PCSK5: variants seen among roughly 807,000 people sequenced by gnomAD.
PCSK5 encodes prohormone convertase 5.
In PCSK5, 129 loss-of-function variants were observed where a neutral mutation model predicts 233.2. That is an observed-to-expected ratio of 0.55 (90% CI 0.48 to 0.64). The LOEUF (loss-of-function observed/expected upper bound fraction) is 0.64. Among genes scored for constraint, PCSK5 ranks in the 30% least tolerant of loss-of-function variants. PCSK5 has a pLI of 0.00. For missense variants in PCSK5, 2,076 were observed against 2,430.1 expected (o/e 0.85, Z 3.06); for synonymous variants, 825 against 879.2 (o/e 0.94, Z 1.09).
intron 8 of PCSK5, among the ~76,000 whole-genome samples, chr9:76,099,586 T>A (rs1436252606): frequency 2.0e-5 from 3 of 152,208 alleles, no homozygotes; most frequent in Non-Finnish European, 4.4e-5. Context: ...CGGGAACATG[T>A]TAACAGTTTG....
chr9:76,040,343 C>G (rs1829047086), intron 5 of PCSK5, among the ~76,000 whole-genome samples: 1 of 44,500 alleles, frequency 2.2e-5, no homozygotes, highest in Non-Finnish European at 4.1e-5. Context: ...CTCTCTCTCT[C>G]TCTCTCTCTC....
intron 1 of PCSK5, among the ~76,000 whole-genome samples, chr9:75,908,456 C>T (rs975436679): frequency 1.3e-5 from 2 of 152,162 alleles, no homozygotes; most frequent in African/African-American, 4.8e-5. Flanking sequence ...GATTATTGTG[C>T]AAGTCTTACC....
rs139236458 is a variant in PCSK5, at chr9:76,091,009, A to T, written c.895-4881A>T. 9.1e-3 allele frequency among the ~76,000 whole-genome samples: 1,381 copies of T among 152,180 alleles called. 14 individuals carry two copies. The highest frequency in any genetic ancestry group is 0.031 in the African/African-American group (1,300 of 41,518). On this transcript the variant is annotated intron_variant, in intron 7 of 37. Coordinates refer to ENST00000674117, the MANE Select transcript of PCSK5 (RefSeq NM_001372043.1). ...CTGTGAGAATCCATTGCCACTGCTGATCTGACAGGAGGTAGAGCTCAGGCG... is the reference window on the plus strand; with the variant it reads ...CTGTGAGAATCCATTGCCACTGCTGTTCTGACAGGAGGTAGAGCTCAGGCG...
intron 10 of PCSK5, among the ~76,000 whole-genome samples, chr9:76,136,890 T>C (rs563171744): frequency 6.6e-5 from 10 of 152,168 alleles, no homozygotes; most frequent in African/African-American, 2.2e-4. Context: ...TCACTAGACT[T>C]GATAGTCTTT....
intron 2 of PCSK5, among the ~76,000 whole-genome samples, chr9:75,964,221 C>T (rs539856480): frequency 2.0e-5 from 3 of 152,026 alleles, no homozygotes; most frequent in Non-Finnish European, 2.9e-5. Context: ...GGCCAGAATA[C>T]CAGGGAAATC....
intron 20 of PCSK5, among the ~76,000 whole-genome samples, chr9:76,215,803 G>A (rs1825505182): frequency 1.3e-5 from 2 of 152,098 alleles, no homozygotes; most frequent in African/African-American, 4.8e-5. Flanking sequence ...AGCTGAGTGT[G>A]GTAGCACACA....
chr9:76,001,973 C>T (rs958221314), intron 3 of PCSK5, among the ~76,000 whole-genome samples: 2 of 152,132 alleles, frequency 1.3e-5, no homozygotes, highest in African/African-American at 4.8e-5. Flanking sequence ...GGAGTTACTA[C>T]AGGCTGCTCA....
At chr9:75,906,817 GAAATA>G (rs1564073285) in intron 1 of PCSK5, among the ~76,000 whole-genome samples, 1 of 152,178 alleles carries the variant, frequency 6.6e-6, no homozygotes, top group Non-Finnish European at 1.5e-5. Context: ...TACTTGTCCT[GAAATA>G]GTTTTTCCAT....
At chr9:76,236,327 A>G (rs1375850306) in intron 22 of PCSK5, among the ~76,000 whole-genome samples, 1 of 152,122 alleles carries the variant, frequency 6.6e-6, no homozygotes, top group Non-Finnish European at 1.5e-5. Flanking sequence ...TTTCTCACCT[A>G]ACAGAATCAG....
At chr9:76,310,953 C>T (rs577570894) in intron 30 of PCSK5, 102 bp downstream of exon 30, 62 of 764,562 alleles carry the variant, frequency 8.1e-5, no homozygotes, top group East Asian at 1.1e-4. Context: ...CTCTGCTCTA[C>T]GAGCACCCAC....
At chr9:76,029,774 A>T (rs1828578747) in intron 5 of PCSK5, among the ~76,000 whole-genome samples, 1 of 152,160 alleles carries the variant, frequency 6.6e-6, no homozygotes, top group Non-Finnish European at 1.5e-5. Context: ...CAGGTCAGGA[A>T]CCCTGTAGAG....
intron 20 of PCSK5, among the ~76,000 whole-genome samples, chr9:76,225,112 TC>T (rs773789140): frequency 6.6e-5 from 10 of 152,162 alleles, no homozygotes; most frequent in Non-Finnish European, 1.2e-4. Context: ...TCTAGCAGAG[TC>T]CTGTGTACAC....
intron 8 of PCSK5, among the ~76,000 whole-genome samples, chr9:76,096,470 C>G (rs181932524): frequency 5.9e-4 from 90 of 152,278 alleles, no homozygotes; most frequent in African/African-American, 2.1e-3. Context: ...CGACTTTTAA[C>G]TTTAGCTTTA....
intron 3 of PCSK5, among the ~76,000 whole-genome samples, chr9:76,013,619 G>A (rs562557425): frequency 8.5e-5 from 13 of 152,112 alleles, no homozygotes; most frequent in South Asian, 4.1e-4. Flanking sequence ...CTGTTAATTC[G>A]TCCATTCACC....
Position 76,189,652 on chromosome 9 carries a change from G to C in PCSK5, c.2532G>C (p.Thr844=). 6.2e-7 allele frequency: 1 copy of C among 1,611,110 alleles called. No individual in the cohort carries two copies. The highest frequency in any genetic ancestry group is 1.1e-5 in the South Asian group (1 of 90,998). ...SCKKCDISCL[T]CNGPGFKNCT... is the part of the protein sequence containing the mutation. The stretch of plus-strand genomic sequence containing the variant: ...ATAGATGTGATATCAGTTGTTTGAC[G>C]TGCAATGGCCCAGGATTCAAGAACT... The change falls in exon 20 of 38, where the codon ACG becomes ACC. Residue 844 remains threonine (T), a synonymous_variant. Transcript: ENST00000674117.
chr9:75,942,690 G>A (rs1021650534), intron 2 of PCSK5, among the ~76,000 whole-genome samples: 15 of 152,090 alleles, frequency 9.9e-5, no homozygotes, highest in African/African-American at 3.4e-4. Context: ...TAACAGACTT[G>A]TTCGAGGAAG....
chr9:76,157,262 C>T (rs1001071573), intron 11 of PCSK5, 100 bp downstream of exon 11: 1 of 759,682 alleles, frequency 1.3e-6, no homozygotes, highest in African/African-American at 1.7e-5. Flanking sequence ...AAGCTAAAAG[C>T]TTCTGTAGTT....
intron 3 of PCSK5, among the ~76,000 whole-genome samples, chr9:75,992,353 G>A (rs760760804): frequency 2.0e-5 from 3 of 152,112 alleles, no homozygotes; most frequent in East Asian, 1.9e-4. Context: ...ACACATATTC[G>A]TACATGGAAT....
At chr9:76,063,115 G>A (rs1830090166) in intron 5 of PCSK5, among the ~76,000 whole-genome samples, 1 of 151,384 alleles carries the variant, frequency 6.6e-6, no homozygotes. Context: ...TGCTGAGAAT[G>A]TCAGGATTTA....
Sources: allele counts gnomAD v4.1 joint callset (sites outside exome capture counted in the v4.1 genomes callset), GRCh38; gene constraint gnomAD v4.1.1; transcripts MANE v1.5; gene names NCBI Gene and HGNC (gene_info 2026-07-23, HGNC 2026-07-21).